The following SOX5 variants were observed in gnomAD, a reference collection of about 807,000 sequenced individuals.
SOX5 encodes SRY-box transcription factor 5, also known as transcription factor SOX-5.
Under a neutral mutation model 92.0 loss-of-function variants are expected in SOX5, and 9 were observed. The observed-to-expected ratio is 0.10, with a 90% CI of 0.06 to 0.17. The LOEUF (loss-of-function observed/expected upper bound fraction) is 0.17. SOX5 is among the 10% of genes least tolerant of loss of function. The probability of loss-of-function intolerance (pLI) is 1.00; values close to 1 mark genes in which losing one functional copy is unlikely to be tolerated. For missense variants in SOX5, 642 were observed against 944.5 expected, an observed-to-expected ratio of 0.68 and a Z score of 4.20; for synonymous variants, 344 against 336.3, an observed-to-expected ratio of 1.02 and a Z score of -0.25.
chr12:24,361,403 TTC>T (rs1293766948), intron 2 of SOX5, among the ~76,000 whole-genome samples: 1 of 152,204 alleles, frequency 6.6e-6, no homozygotes, highest in Non-Finnish European at 1.5e-5. Flanking sequence ...GTTATTCAAT[TTC>T]TCTGTCTCCA....
chr12:23,762,525 T>A, intron 3 of SOX5: 1 of 492,706 alleles, frequency 2.0e-6, no homozygotes, highest in Non-Finnish European at 3.6e-6. Flanking sequence ...TGAAGTGAAT[T>A]AAACACTGGA....
intron 4 of SOX5, among the ~76,000 whole-genome samples, chr12:23,990,291 C>G (rs1950447100): frequency 6.6e-6 from 1 of 152,108 alleles, no homozygotes; most frequent in Non-Finnish European, 1.5e-5. Context: ...ATGGACTCTT[C>G]TCCATAAACC....
At chr12:23,606,010 T>C (rs1163044027) in intron 8 of SOX5, among the ~76,000 whole-genome samples, 1 of 152,134 alleles carries the variant, frequency 6.6e-6, no homozygotes. Flanking sequence ...TTCAATTACA[T>C]AAACATTAAA....
intron 1 of SOX5, among the ~76,000 whole-genome samples, chr12:23,947,049 G>A (rs945480096): frequency 6.6e-6 from 1 of 151,840 alleles, no homozygotes; most frequent in African/African-American, 2.4e-5. Flanking sequence ...TGATATTTAA[G>A]TTCTGAATAT....
intron 1 of SOX5, among the ~76,000 whole-genome samples, chr12:24,483,655 C>T (rs1946225883): frequency 6.6e-6 from 1 of 152,200 alleles, no homozygotes; most frequent in African/African-American, 2.4e-5. Flanking sequence ...TGGTGGTAAG[C>T]TTATGGCATC....
intron 4 of SOX5, among the ~76,000 whole-genome samples, chr12:24,004,253 C>A (rs1951907066): frequency 6.7e-6 from 1 of 149,062 alleles, no homozygotes; most frequent in African/African-American, 2.5e-5. Flanking sequence ...GACACACACG[C>A]ACATAAAAAC....
chr12:24,296,304 G>A (rs1463163968), intron 2 of SOX5, among the ~76,000 whole-genome samples: 4 of 152,182 alleles, frequency 2.6e-5, no homozygotes. Context: ...ATAGAAAAAG[G>A]TAACTGTTTC....
At chr12:24,052,800 T>C (rs1479634441) in intron 4 of SOX5, among the ~76,000 whole-genome samples, 1 of 152,212 alleles carries the variant, frequency 6.6e-6, no homozygotes, top group Non-Finnish European at 1.5e-5. Context: ...GTGCTGATGT[T>C]TTAATGATTT....
intron 2 of SOX5, among the ~76,000 whole-genome samples, chr12:24,337,342 T>TTC (rs1952025643): frequency 1.4e-5 from 2 of 147,134 alleles, no homozygotes; most frequent in South Asian, 4.3e-4. Flanking sequence ...TGATTTTTCT[T>TTC]TTTTTTTTTT....
intron 1 of SOX5, among the ~76,000 whole-genome samples, chr12:23,926,885 G>A (rs1206358811): frequency 6.6e-6 from 1 of 151,954 alleles, no homozygotes; most frequent in Non-Finnish European, 1.5e-5. Flanking sequence ...ATACCAAGAA[G>A]AAGCCTATCC....
At chr12:23,882,415 T>C (rs999373831) in intron 2 of SOX5, among the ~76,000 whole-genome samples, 2 of 151,292 alleles carry the variant, frequency 1.3e-5, no homozygotes, top group African/African-American at 4.9e-5. Flanking sequence ...CCCCGAACCA[T>C]GTCCTAAAAG....
At chr12:24,233,391 AAG>A (rs1303430778) in intron 3 of SOX5, among the ~76,000 whole-genome samples, 7 of 152,210 alleles carry the variant, frequency 4.6e-5, no homozygotes, top group African/African-American at 1.7e-4. Flanking sequence ...TACAAGCAAA[AAG>A]TATGCCACAG....
intron 2 of SOX5, among the ~76,000 whole-genome samples, chr12:23,868,073 C>G (rs1346483798): frequency 6.6e-6 from 1 of 151,308 alleles, no homozygotes; most frequent in African/African-American, 2.4e-5. Flanking sequence ...CCCTCCCTCA[C>G]TCCCTCTCTC....
intron 1 of SOX5, among the ~76,000 whole-genome samples, chr12:24,506,782 G>GTTTTTTTTTTTT (rs1386116375): frequency 5.0e-5 from 4 of 80,270 alleles, no homozygotes; most frequent in Non-Finnish European, 4.7e-5. Context: ...TATCCAAATG[G>GTTTTTTTTTTTT]TCTTTTTTTT....
chr12:23,792,655 A>C (rs1161416163), intron 3 of SOX5, among the ~76,000 whole-genome samples: 1 of 143,954 alleles, frequency 6.9e-6, no homozygotes, highest in Admixed American at 6.9e-5. Context: ...AAAAAAAAAA[A>C]AAAAAAACTT....
chr12:24,293,350 G>T (rs1946829219), intron 2 of SOX5, among the ~76,000 whole-genome samples: 1 of 152,212 alleles, frequency 6.6e-6, no homozygotes, highest in Non-Finnish European at 1.5e-5. Flanking sequence ...ACCTGCCTGT[G>T]GTTTTCACCA....
At chr12:24,399,103 T>A (rs1468791668) in intron 1 of SOX5, among the ~76,000 whole-genome samples, 1 of 151,940 alleles carries the variant, frequency 6.6e-6, no homozygotes, top group African/African-American at 2.4e-5. Context: ...CCCCAAAACA[T>A]GACACTAAAG....
intron 3 of SOX5, among the ~76,000 whole-genome samples, chr12:24,245,780 T>C (rs529838060): frequency 1.3e-5 from 2 of 152,014 alleles, no homozygotes; most frequent in South Asian, 4.2e-4. Context: ...AAGAGATATA[T>C]CACATAGAGA....
At chr12:24,382,528 C>T (rs1957939181) in intron 1 of SOX5, among the ~76,000 whole-genome samples, 1 of 152,040 alleles carries the variant, frequency 6.6e-6, no homozygotes, top group African/African-American at 2.4e-5. Flanking sequence ...TAAGGACTCC[C>T]CTGAGGTAGG....
Sources: gnomAD v4.1 joint callset for allele counts (sites outside exome capture counted in the v4.1 genomes callset) on GRCh38, gnomAD v4.1.1 for gene constraint, MANE v1.5 for transcripts, NCBI Gene and HGNC (gene_info 2026-07-23, HGNC 2026-07-21) for gene names.